Variants in EPHB4 observed in about 807,000 individuals in gnomAD.
EPHB4 encodes EPH receptor B4, also known as ephrin type-B receptor 4.
In EPHB4, 50 loss-of-function variants were observed where a neutral mutation model predicts 110.6. That is an observed-to-expected ratio of 0.45 (90% CI 0.36 to 0.57). The LOEUF is 0.57. EPHB4 is among the 20% of genes least tolerant of loss of function. EPHB4 has a pLI of 0.00. For synonymous variants in EPHB4, 592 were observed against 578.4 expected, an observed-to-expected ratio of 1.02 and a Z score of -0.34; for missense variants, 1,128 against 1,382.1, an observed-to-expected ratio of 0.82 and a Z score of 2.91.
intron 12 of EPHB4, among the ~76,000 whole-genome samples, chr7:100,810,376 C>T (rs140589769): frequency 3.5e-3 from 535 of 152,242 alleles, no homozygotes; most frequent in African/African-American, 5.8e-3. Flanking sequence ...GACATTCAGG[C>T]GGACAAGGGA....
rs780074560 is a variant in EPHB4, at chr7:100,805,327, G to A, written c.2679-6C>T. On this transcript the variant is annotated splice_region_variant and splice_polypyrimidine_tract_variant and intron_variant, in intron 15 of 16. Coordinates refer to ENST00000358173, the MANE Select transcript of EPHB4 (RefSeq NM_004444.5). ...CCAGGAGAGGGTGTGAGGCCCTAGGGGGCAAGGATGGGGAGGAATGCTGAG... is the reference window on the plus strand; with the variant it reads ...CCAGGAGAGGGTGTGAGGCCCTAGGAGGCAAGGATGGGGAGGAATGCTGAG... 2.5e-6 allele frequency: 4 copies of A among 1,613,722 alleles called. No individual in the cohort carries two copies. The highest frequency in any genetic ancestry group is 3.4e-6 in the Non-Finnish European group (4 of 1,179,850).
Position 100,820,268 on chromosome 7 carries a change from C to T in EPHB4, c.837G>A (p.Leu279=), listed in dbSNP as rs1274671001. 6 of 1,613,834 alleles carry T rather than the reference C, an allele frequency of 3.7e-6. No individual in the cohort carries two copies. The African/African-American group carries it at 5.3e-5, about 14-fold the overall frequency. Residue 279 remains leucine, a synonymous_variant, in exon 5 of 17, where the codon CTG becomes CTA. Transcript: ENST00000358173. ...RACAQGTFKP[L]SGEGSCQPCP... is the part of the protein sequence containing the mutation. Reference sequence around the variant, plus strand: ...ATGGCTGGCAGGACCCTTCTCCTGACAGGGGCTTGAAGGTGCCCTGGGCAC... The same window carrying T: ...ATGGCTGGCAGGACCCTTCTCCTGATAGGGGCTTGAAGGTGCCCTGGGCAC...
intron 9 of EPHB4, 76 bp downstream of exon 9, chr7:100,813,843 G>A: frequency 1.4e-5 from 22 of 1,602,126 alleles, no homozygotes; most frequent in Non-Finnish European, 1.9e-5. Flanking sequence ...CAGCCAGAAA[G>A]GCTTGTCCTG....
intron 14 of EPHB4, 90 bp downstream of exon 14, chr7:100,806,330 A>C: frequency 6.9e-7 from 1 of 1,454,416 alleles, no homozygotes; most frequent in Non-Finnish European, 9.3e-7. Flanking sequence ...AGAACCCAGC[A>C]GTGATGACTC....
At chr7:100,804,947 G>C (rs1812783499) in intron 16 of EPHB4, among the ~76,000 whole-genome samples, 1 of 152,222 alleles carries the variant, frequency 6.6e-6, no homozygotes, top group Non-Finnish European at 1.5e-5. Context: ...GATGGCAGGA[G>C]GAGGTGAGGC....
chr7:100,814,069 G>A, intron 8 of EPHB4, 48 bp from the exon 9 acceptor site: 1 of 1,601,360 alleles, frequency 6.2e-7, no homozygotes, highest in Non-Finnish European at 8.5e-7. Context: ...GGTCCTGTAG[G>A]AGGCCCCAGC....
chr7:100,824,269 G>A lies in EPHB4; in HGVS notation c.57C>T (p.Thr19=), dbSNP rs966929611. The A allele has an allele frequency of 2.5e-6, 4 of 1,613,962 alleles. No individual in the cohort carries two copies. In the African/African-American group the frequency reaches 5.3e-5, roughly 22 times the overall value. Residue 19 remains threonine, a synonymous_variant, in exon 2 of 17, where the codon ACC becomes ACT. Coordinates refer to ENST00000358173, the MANE Select transcript of EPHB4 (RefSeq NM_004444.5). The part of the protein sequence containing the change: ...WASLAAALEE[T]LLNTKLETAD... ...CAGTTTCCAATTTTGTGTTCAGCAG[G>A]GTCTCTGAGACAGACAGAGAGACAG...
chr7:100,814,312 T>C (rs1813015948), intron 8 of EPHB4, among the ~76,000 whole-genome samples: 1 of 152,246 alleles, frequency 6.6e-6, no homozygotes, highest in Admixed American at 6.5e-5. Flanking sequence ...GCAGTCTCAC[T>C]CTGTCGCCCA....
intron 5 of EPHB4, 72 bp from the exon 6 acceptor site, chr7:100,819,961 C>T (rs1244917891): frequency 8.1e-6 from 12 of 1,484,112 alleles, no homozygotes; most frequent in Non-Finnish European, 1.1e-5. Context: ...ATGGAGGCAC[C>T]AGCAGCCATG....
rs542439770 is a variant in EPHB4, at chr7:100,813,302, C to T, written c.1757-94G>A. 2.3e-4 allele frequency: 159 copies of T among 688,474 alleles called. 1 individual carries two copies. In the South Asian group the frequency reaches 3.5e-3, roughly 15 times the overall value. The allele number at this position is 688,474 out of a possible 1,614,324, so 42.6% of individuals were successfully genotyped here. ...GCTTTTAGCCCCAAACCCCTGTCTCCGTGGTTTTTTTTTTTTTTTTTTTTT... is the reference window on the plus strand; with the variant it reads ...GCTTTTAGCCCCAAACCCCTGTCTCTGTGGTTTTTTTTTTTTTTTTTTTTT... On this transcript the variant is annotated intron_variant, in intron 10 of 16. Transcript: ENST00000358173.
rs556281600 is a variant in EPHB4, at chr7:100,827,500, C to A, written c.-470G>T. ...GCGGAGCCGGGCGGGCCGGGCCGGG[C>A]AGGGGCTGAGCTGCGCTGGAACTGG... On this transcript the variant is annotated 5_prime_UTR_variant, in exon 1 of 17. Coordinates refer to ENST00000358173, the MANE Select transcript of EPHB4 (RefSeq NM_004444.5). The A allele has an allele frequency of 8.5e-4, 128 of 150,968 alleles. 1 individual carries two copies. The highest frequency in any genetic ancestry group is 6.8e-3 in the Middle Eastern group (2 of 292). The allele number at this position is 150,968 out of a possible 1,614,324, so 9.4% of individuals were successfully genotyped here. A position where few individuals can be genotyped will look rare whatever the true frequency, so the allele number is the denominator to read the frequency against.
At chr7:100,817,859 G>GTTGTTTT (rs1554419317) in intron 7 of EPHB4, among the ~76,000 whole-genome samples, 1 of 47,090 alleles carries the variant, frequency 2.1e-5, no homozygotes, top group East Asian at 8.6e-4. Context: ...TATTTTTTGC[G>GTTGTTTT]TTTTTTTTTT....
chr7:100,807,446 G>A lies in EPHB4; in HGVS notation c.2253C>T (p.Asn751=), dbSNP rs747983713. The part of the protein sequence containing the change: ...LAARNILVNS[N]LVCKVSDFGL... Reference sequence around the variant, plus strand: ...CAAAGTCAGACACTTTGCAGACGAGGTTGCTGTTGACTAGGATGTTGCGAG... The same window carrying A: ...CAAAGTCAGACACTTTGCAGACGAGATTGCTGTTGACTAGGATGTTGCGAG... Residue 751 remains asparagine (N), a synonymous_variant, in exon 13 of 17, where the codon AAC becomes AAT. Coordinates refer to ENST00000358173, the MANE Select transcript of EPHB4 (RefSeq NM_004444.5). 1 of 1,613,906 alleles carries A rather than the reference G, an allele frequency of 6.2e-7. No homozygotes were observed. Among genetic ancestry groups the A allele is most frequent in the African/African-American group, 1.3e-5 (1 of 74,880 alleles).
chr7:100,820,481 AAT>A, intron 4 of EPHB4, 185 bp from the exon 5 acceptor site: 1 of 576,052 alleles, frequency 1.7e-6, no homozygotes, highest in Non-Finnish European at 2.7e-6. Context: ...AAAAAAAAAA[AAT>A]TCCAGCTTCT....
At chr7:100,806,664 T>C in intron 13 of EPHB4, 95 bp from the exon 14 acceptor site, 1 of 1,443,172 alleles carries the variant, frequency 6.9e-7, no homozygotes, top group Non-Finnish European at 9.3e-7. Flanking sequence ...GCCTCTGCTT[T>C]TTCCCCCTAG....
At chr7:100,823,403 G>T (rs565557531) in intron 3 of EPHB4, among the ~76,000 whole-genome samples, 1 of 152,168 alleles carries the variant, frequency 6.6e-6, no homozygotes, top group East Asian at 1.9e-4. Context: ...GGTGGTTGAG[G>T]TGACTGGAGG....
In EPHB4 at chr7:100,806,554, T is replaced by C. The variant is rs957116019; in HGVS notation, c.2350A>G (p.Ile784Val). Reference protein sequence around the residue: ...YTSSLGGKIPIRWTAPEAIAF... With the variant: ...YTSSLGGKIPVRWTAPEAIAF... ...ATGGCCTCCGGGGCAGTCCATCGGA[T>C]GGGAATCTTTCCTCCCTGCAGAAAA... Residue 784 changes from isoleucine (I) to valine (V), a missense_variant, in exon 14 of 17, where the codon ATC (isoleucine) becomes GTC (valine). Physicochemically the swap from Ile to Val is conservative, Grantham distance 29. This residue lies in a region of EPHB4 where 191 missense variants were observed against 313.0 expected (regional missense o/e 0.61). Coordinates refer to ENST00000358173, the MANE Select transcript of EPHB4 (RefSeq NM_004444.5). 45 of 1,613,632 alleles carry C rather than the reference T, an allele frequency of 2.8e-5. No individual in the cohort carries two copies. Among genetic ancestry groups the C allele is most frequent in the Non-Finnish European group, 3.5e-5 (41 of 1,179,848 alleles).
At chr7:100,815,195 T>C (rs1813037516) in intron 8 of EPHB4, among the ~76,000 whole-genome samples, 1 of 151,658 alleles carries the variant, frequency 6.6e-6, no homozygotes, top group Admixed American at 6.6e-5. Context: ...TGGTGGCTCA[T>C]GCCTACAGTC....
intron 12 of EPHB4, among the ~76,000 whole-genome samples, chr7:100,809,137 C>T (rs760372450): frequency 6.6e-6 from 1 of 152,146 alleles, no homozygotes; most frequent in Non-Finnish European, 1.5e-5. Flanking sequence ...GATGGAGTCT[C>T]GCTCTACTGC....
Sources: allele counts gnomAD v4.1 joint callset (sites outside exome capture counted in the v4.1 genomes callset), GRCh38; gene constraint gnomAD v4.1.1; regional missense constraint gnomAD v4.1.1; transcripts MANE v1.5; gene names NCBI Gene and HGNC (gene_info 2026-07-23, HGNC 2026-07-21).